MVP: variants seen among roughly 807,000 people sequenced by gnomAD.
MVP encodes the protein major vault protein.
A neutral mutation model predicts 83.5 loss-of-function variants in MVP; 62 were observed. The observed-to-expected ratio is 0.74, with a 90% CI of 0.61 to 0.92. The LOEUF (loss-of-function observed/expected upper bound fraction) is 0.92. Ranked by LOEUF, MVP falls within the 40% of genes least tolerant of loss-of-function variation. The pLI is 0.00. For synonymous variants in MVP, 505 were observed against 504.1 expected, an observed-to-expected ratio of 1.00 and a Z score of -0.02; for missense variants, 1,000 against 1,203.4, an observed-to-expected ratio of 0.83 and a Z score of 2.50.
Position 29,846,428 on chromosome 16 carries a change from C to A in MVP, c.2265+144C>A. 4 of 1,269,536 alleles carry A rather than the reference C, an allele frequency of 3.2e-6. No homozygotes were observed. The South Asian group carries it at 5.1e-5, about 16-fold the overall frequency. 78.6% of individuals were successfully genotyped at this position (1,269,536 alleles called of 1,614,324 possible). On this transcript the variant is annotated intron_variant, in intron 13 of 14. Coordinates refer to ENST00000357402, the MANE Select transcript of MVP (RefSeq NM_005115.5). ...ACTTTGCATTTGCAAAGTCCTTTGC[C>A]TTGTAGGATTCATTGACTCCATTGC...
At chr16:29,836,545 C>T (rs543414733) in intron 6 of MVP, among the ~76,000 whole-genome samples, 177 bp from the exon 7 acceptor site, 6 of 151,184 alleles carry the variant, frequency 4.0e-5, no homozygotes, top group Admixed American at 6.6e-5. Flanking sequence ...CCTTTGCACT[C>T]TAGCCTGGGC....
At chr16:29,824,900 C>CT (rs753917886) in intron 1 of MVP, among the ~76,000 whole-genome samples, 3,374 of 144,788 alleles carry the variant, frequency 0.023, 59 homozygotes, top group East Asian at 0.067. Context: ...CGGTCTCCCT[C>CT]TTTTTTTTTT....
intron 5 of MVP, 77 bp downstream of exon 5, chr16:29,834,143 G>A (rs1381770332): frequency 6.4e-7 from 1 of 1,558,676 alleles, no homozygotes; most frequent in East Asian, 2.4e-5. Flanking sequence ...GAAGGTTGAG[G>A]AAAGCCTCCT....
intron 10 of MVP, among the ~76,000 whole-genome samples, chr16:29,842,876 G>A (rs1469685850): frequency 1.3e-5 from 2 of 152,196 alleles, no homozygotes; most frequent in African/African-American, 2.4e-5. Context: ...CCCAGTGAGC[G>A]TGCAGCCAAA....
chr16:29,845,938 C>T lies in MVP; in HGVS notation c.2097C>T (p.Ala699=), dbSNP rs767444097. 9.3e-6 allele frequency: 15 copies of T among 1,614,080 alleles called. No homozygotes were observed. The East Asian group carries it at 1.1e-4, about 12-fold the overall frequency. Residue 699 remains alanine (A), a synonymous_variant, in exon 12 of 15, where the codon GCC becomes GCT. Coordinates refer to ENST00000357402, the MANE Select transcript of MVP (RefSeq NM_005115.5). ...ERQKILDQSE[A]EKARKELLEL... ...AGAAGATCCTGGACCAGTCAGAAGC[C>T]GAGAAAGCTCGCAAGGAACTTTTGG...
chr16:29,833,527 C>G, intron 3 of MVP: 1 of 280,516 alleles, frequency 3.6e-6, no homozygotes, highest in Non-Finnish European at 6.3e-6. Flanking sequence ...CAGGCTGGTT[C>G]TTGAATGTCT....
At chr16:29,838,368 G>A (rs1343171421) in intron 7 of MVP, among the ~76,000 whole-genome samples, 9 of 149,756 alleles carry the variant, frequency 6.0e-5, no homozygotes, top group Admixed American at 3.3e-4. Flanking sequence ...CCCGGGAGGC[G>A]GAGGTTGCAG....
chr16:29,841,470 C>T lies in MVP; in HGVS notation c.1192-126C>T, dbSNP rs1401063058. The T allele has an allele frequency of 7.8e-7, 1 of 1,274,326 alleles. No homozygotes were observed. The highest frequency in any genetic ancestry group is 1.1e-6 in the Non-Finnish European group (1 of 945,368). 78.9% of individuals were successfully genotyped at this position (1,274,326 alleles called of 1,614,324 possible). On this transcript the variant is annotated intron_variant, in intron 8 of 14. Coordinates refer to ENST00000357402, the MANE Select transcript of MVP (RefSeq NM_005115.5). This position sits in a 1 kb window ranked among gnomAD's most constrained non-coding sequence, Gnocchi z 4.7. ...GCAAACCCGGGGTGGAGCCTGGCCT[C>T]CCCGTAGAGAAGGTGTTTAACCTCG...
chr16:29,833,283 C>A (rs978039003), intron 3 of MVP: 2 of 160,584 alleles, frequency 1.2e-5, no homozygotes, highest in Non-Finnish European at 2.7e-5. Flanking sequence ...GTTCAAAGGG[C>A]CTTCTCTAAC....
chr16:29,835,746 C>T lies in MVP; in HGVS notation c.620C>T (p.Ala207Val), dbSNP rs756111485. ...ACCACAGTAGGGGCGTACCTCCCAG[C>T]GGTGTTTGAGGAGGTTCTGGATTTG... ...LVTTVGAYLP[A>V]VFEEVLDLVD... Residue 207 changes from alanine to valine, a missense_variant, in exon 6 of 15, where the codon GCG becomes GTG. By Grantham distance (64) the Ala-to-Val change is moderately conservative. Coordinates refer to ENST00000357402, the MANE Select transcript of MVP (RefSeq NM_005115.5). 7 of 1,613,778 alleles carry T rather than the reference C, an allele frequency of 4.3e-6. No individual in the cohort carries two copies. The highest frequency in any genetic ancestry group is 2.2e-5 in the East Asian group (1 of 44,882).
At chr16:29,845,594 T>G (rs1361704963) in intron 11 of MVP, among the ~76,000 whole-genome samples, 1 of 152,222 alleles carries the variant, frequency 6.6e-6, no homozygotes, top group Non-Finnish European at 1.5e-5. Flanking sequence ...CCCACACTTG[T>G]CACTGTCTGA....
chr16:29,838,968 C>T (rs1408069022), intron 7 of MVP, among the ~76,000 whole-genome samples: 2 of 152,194 alleles, frequency 1.3e-5, no homozygotes. Flanking sequence ...GGGCACATCA[C>T]CTGAGGTCAG....
At chr16:29,845,745 C>A in intron 11 of MVP, 118 bp from the exon 12 acceptor site, 1 of 753,938 alleles carries the variant, frequency 1.3e-6, no homozygotes, top group Non-Finnish European at 2.2e-6. Context: ...GTATTGGGTG[C>A]CTTCTAGGGG....
chr16:29,847,646 C>T, intron 14 of MVP, 116 bp from the exon 15 acceptor site: 2 of 1,085,094 alleles, frequency 1.8e-6, no homozygotes, highest in Non-Finnish European at 2.8e-6. Context: ...GGCAGTCAAG[C>T]AGGGTGGTCA....
At chr16:29,821,372 CTGTA>C (rs1405356244) in intron 1 of MVP, 1 of 152,210 alleles carries the variant, frequency 6.6e-6, no homozygotes, top group Non-Finnish European at 1.5e-5. Context: ...GGACAGCCCT[CTGTA>C]TGTAGCCTTG....
chr16:29,823,122 C>CTTTTTTTTTTTTTTTTT (rs66512916), intron 1 of MVP, among the ~76,000 whole-genome samples: 88 of 98,472 alleles, frequency 8.9e-4, no homozygotes, highest in Middle Eastern at 7.0e-3. Context: ...CTTTTCTTTT[C>CTTTTTTTTTTTTTTTTT]TTTTTTTTTT....
intron 7 of MVP, among the ~76,000 whole-genome samples, chr16:29,838,927 C>CT (rs1336532086): frequency 1.2e-4 from 19 of 152,176 alleles, no homozygotes; most frequent in Admixed American, 9.8e-4. Context: ...TGGCTCACGC[C>CT]TGTAATCCTA....
chr16:29,840,123 T>C, intron 7 of MVP, 55 bp from the exon 8 acceptor site: 1 of 1,533,514 alleles, frequency 6.5e-7, no homozygotes, highest in Non-Finnish European at 8.8e-7. Context: ...GAGGTACCAT[T>C]GGAAGCACCC....
At chr16:29,822,333 AAGT>A (rs1204218665) in intron 1 of MVP, among the ~76,000 whole-genome samples, 5 of 151,940 alleles carry the variant, frequency 3.3e-5, no homozygotes, top group Non-Finnish European at 7.4e-5. Flanking sequence ...AAAAAAAAAA[AAGT>A]AATTTATGAG....
Sources: gnomAD v4.1 joint callset for allele counts (sites outside exome capture counted in the v4.1 genomes callset) on GRCh38, gnomAD v4.1.1 for gene constraint, Gnocchi (gnomAD v3.1) non-coding constraint, MANE v1.5 for transcripts, NCBI Gene and HGNC (gene_info 2026-07-23, HGNC 2026-07-21) for gene names.